Variants in PRKAG2 observed in about 807,000 individuals in gnomAD.
PRKAG2 encodes the protein 5'-AMP-activated protein kinase subunit gamma-2.
A neutral mutation model predicts 69.6 loss-of-function variants in PRKAG2; 26 were observed. The ratio of observed to expected loss-of-function variants is 0.37; its 90% CI spans 0.27 to 0.52. The LOEUF is 0.52. Among genes scored for constraint, PRKAG2 ranks in the 20% least tolerant of loss-of-function variants. PRKAG2 has a pLI of 0.90. For synonymous variants in PRKAG2, 293 were observed against 285.0 expected, an observed-to-expected ratio of 1.03 and a Z score of -0.28; for missense variants, 557 against 740.0, an observed-to-expected ratio of 0.75 and a Z score of 2.87.
chr7:151,628,772 C>T (rs1017198659), intron 5 of PRKAG2, among the ~76,000 whole-genome samples: 1 of 152,118 alleles, frequency 6.6e-6, no homozygotes, highest in African/African-American at 2.4e-5. Flanking sequence ...CCCCAATATG[C>T]CCACAAAGTA....
chr7:151,717,155 G>C (rs1428887959), intron 3 of PRKAG2, among the ~76,000 whole-genome samples: 1 of 151,972 alleles, frequency 6.6e-6, no homozygotes, highest in Non-Finnish European at 1.5e-5. Flanking sequence ...GTTGAGGCAG[G>C]AGAATTGCTT....
chr7:151,665,480 T>C (rs967721364), intron 4 of PRKAG2, among the ~76,000 whole-genome samples: 9 of 152,128 alleles, frequency 5.9e-5, no homozygotes, highest in African/African-American at 1.7e-4. Flanking sequence ...TGCAGGAACA[T>C]AGGAAGAATG....
intron 1 of PRKAG2, among the ~76,000 whole-genome samples, chr7:151,803,663 T>C (rs1237296146): frequency 6.6e-6 from 1 of 152,102 alleles, no homozygotes; most frequent in Non-Finnish European, 1.5e-5. Context: ...ATTGTATCTC[T>C]GTATAGATTG....
intron 3 of PRKAG2, among the ~76,000 whole-genome samples, chr7:151,693,460 G>T (rs1006761688): frequency 2.0e-5 from 3 of 152,206 alleles, no homozygotes; most frequent in Non-Finnish European, 2.9e-5. Flanking sequence ...CAGCAGCCAC[G>T]CTAGGCCCAC....
At chr7:151,845,464 G>A (rs907701015) in intron 1 of PRKAG2, among the ~76,000 whole-genome samples, 1 of 3,748 alleles carries the variant, frequency 2.7e-4, no homozygotes, top group Non-Finnish European at 4.8e-4. Context: ...AAAACTCGGC[G>A]GTGGGGCCCA....
intron 1 of PRKAG2, among the ~76,000 whole-genome samples, chr7:151,854,977 CACCATGCTCCACACA>C (rs1563756266): frequency 0.017 from 612 of 36,494 alleles, 43 homozygotes; most frequent in East Asian, 0.045. Flanking sequence ...CCTCCACACA[CACCATGCTCCACACA>C]CACCATGCTC....
intron 3 of PRKAG2, among the ~76,000 whole-genome samples, chr7:151,680,190 G>C (rs561550463): frequency 2.0e-5 from 3 of 152,346 alleles, no homozygotes; most frequent in African/African-American, 4.8e-5. Context: ...CCTGGACCCA[G>C]TAATTCCATT....
intron 3 of PRKAG2, among the ~76,000 whole-genome samples, chr7:151,773,028 AG>A (rs1563639381): frequency 0.021 from 1,081 of 50,554 alleles, 57 homozygotes; most frequent in South Asian, 0.039. Context: ...AAAGAAAGAG[AG>A]AGAGAGAGAG....
At chr7:151,796,375 T>C (rs774898607) in intron 1 of PRKAG2, among the ~76,000 whole-genome samples, 2 of 152,152 alleles carry the variant, frequency 1.3e-5, no homozygotes, top group Non-Finnish European at 2.9e-5. Flanking sequence ...AGGGCCGTTG[T>C]CCTGGCAGTG....
chr7:151,715,350 T>TAAAAAAA (rs1796015365), intron 3 of PRKAG2, among the ~76,000 whole-genome samples: 2 of 96,698 alleles, frequency 2.1e-5, no homozygotes, highest in African/African-American at 9.0e-5. Context: ...AAAAAAAAAT[T>TAAAAAAA]ATTATTATTT....
At chr7:151,597,132 C>T in intron 5 of PRKAG2, among the ~76,000 whole-genome samples, 1 of 152,128 alleles carries the variant, frequency 6.6e-6, no homozygotes. Flanking sequence ...CACATTACAG[C>T]CAAATGATTT....
At chr7:151,721,397 G>T (rs896810236) in intron 3 of PRKAG2, among the ~76,000 whole-genome samples, 2 of 152,110 alleles carry the variant, frequency 1.3e-5, no homozygotes, top group Non-Finnish European at 1.5e-5. Flanking sequence ...CAGGGCCGGG[G>T]CCAGGGCCGG....
intron 3 of PRKAG2, among the ~76,000 whole-genome samples, chr7:151,681,114 C>G (rs1256240458): frequency 6.6e-6 from 1 of 152,234 alleles, no homozygotes; most frequent in Admixed American, 6.5e-5. Context: ...GCCCTGTCCC[C>G]TTGCAGGCCA....
Position 151,774,071 on chromosome 7 carries a change from C to T in PRKAG2, c.466+7081G>A, listed in dbSNP as rs73728287. 2.0e-3 allele frequency among the ~76,000 whole-genome samples: 309 copies of T among 152,170 alleles called. 2 individuals are homozygous for T. Among genetic ancestry groups the T allele is most frequent in the African/African-American group, 7.1e-3 (294 of 41,510 alleles). On this transcript the variant is annotated intron_variant, in intron 3 of 15. Transcript: ENST00000287878. ...CTGACTGCTGCATTAGAGGGAGAGACGGAAAAGTGGGGCATTGTTTTGGTT... is the reference window on the plus strand; with the variant it reads ...CTGACTGCTGCATTAGAGGGAGAGATGGAAAAGTGGGGCATTGTTTTGGTT...
intron 1 of PRKAG2, among the ~76,000 whole-genome samples, chr7:151,847,630 A>G (rs1036000009): frequency 1.2e-4 from 19 of 152,242 alleles, no homozygotes; most frequent in African/African-American, 4.6e-4. Context: ...TCCTTCCAAC[A>G]CGACGATGAG....
chr7:151,827,166 G>A (rs2078920427), intron 1 of PRKAG2, among the ~76,000 whole-genome samples: 1 of 152,188 alleles, frequency 6.6e-6, no homozygotes, highest in South Asian at 2.1e-4. Context: ...CCCAATGCCT[G>A]GTCTCAGAGT....
At position 151,807,694 on chromosome 7, in the gene PRKAG2, C is replaced by T; in HGVS notation, c.115-21153G>A. On this transcript the variant is annotated intron_variant, in intron 1 of 15. Transcript: ENST00000287878. This position sits in a 1 kb window ranked among gnomAD's most constrained non-coding sequence, Gnocchi z 4.4. The stretch of plus-strand genomic sequence containing the variant: ...ACACAACCGTTTCCACTGCCTATTC[C>T]CGGGCCCCTCACTTGGGTCAAGGCA... The T allele has an allele frequency of 6.9e-6, 3 of 433,766 alleles. No homozygotes were observed. The Admixed American group carries it at 7.2e-5, about 10-fold the overall frequency. 26.9% of individuals were successfully genotyped at this position (433,766 alleles called of 1,614,324 possible).
At chr7:151,669,098 G>A (rs1256895090) in intron 4 of PRKAG2, among the ~76,000 whole-genome samples, 1 of 152,156 alleles carries the variant, frequency 6.6e-6, no homozygotes, top group African/African-American at 2.4e-5. Context: ...TTGTAAGACG[G>A]GAATGACACT....
At chr7:151,726,212 A>G (rs964790439) in intron 3 of PRKAG2, among the ~76,000 whole-genome samples, 1 of 152,146 alleles carries the variant, frequency 6.6e-6, no homozygotes, top group Non-Finnish European at 1.5e-5. Context: ...GGGCTTCAGC[A>G]GAAATGCATG....
Sources: allele counts gnomAD v4.1 joint callset (sites outside exome capture counted in the v4.1 genomes callset), GRCh38; gene constraint gnomAD v4.1.1; non-coding constraint Gnocchi (gnomAD v3.1); transcripts MANE v1.5; gene names NCBI Gene and HGNC (gene_info 2026-07-23, HGNC 2026-07-21).